ULK4: variants seen among roughly 807,000 people sequenced by gnomAD.
The protein encoded by ULK4 is unc-51 like kinase 4, also known as inactive serine/threonine-protein kinase ULK4.
Under a neutral mutation model 160.6 loss-of-function variants are expected in ULK4, and 133 were observed. The ratio of observed to expected loss-of-function variants is 0.83; its 90% CI spans 0.72 to 0.96. The LOEUF is 0.96. Ranked by LOEUF, ULK4 falls within the 40% of genes least tolerant of loss-of-function variation. ULK4 has a pLI of 0.00. For missense variants in ULK4, 1,580 were observed against 1,499.5 expected, an observed-to-expected ratio of 1.05 and a Z score of -0.89; for synonymous variants, 534 against 539.8, an observed-to-expected ratio of 0.99 and a Z score of 0.15.
At chr3:41,314,979 A>G in intron 35 of ULK4, among the ~76,000 whole-genome samples, 1 of 152,204 alleles carries the variant, frequency 6.6e-6, no homozygotes, top group East Asian at 1.9e-4. Context: ...AGTATTTACT[A>G]TATTGAAAAT....
chr3:41,900,667 T>C, intron 13 of ULK4, 58 bp downstream of exon 13: 2 of 1,286,986 alleles, frequency 1.6e-6, no homozygotes, highest in Non-Finnish European at 1.1e-6. Context: ...GAAAATCTCA[T>C]GCAGATTTCA....
intron 30 of ULK4, among the ~76,000 whole-genome samples, chr3:41,639,454 T>C (rs1388375506): frequency 1.3e-5 from 2 of 152,198 alleles, no homozygotes; most frequent in Admixed American, 1.3e-4. Flanking sequence ...CTGGGTGTGG[T>C]GGCTCACACC....
At chr3:41,605,747 A>T (rs1464973549) in intron 31 of ULK4, among the ~76,000 whole-genome samples, 1 of 152,038 alleles carries the variant, frequency 6.6e-6, no homozygotes, top group Non-Finnish European at 1.5e-5. Context: ...AACAACAATG[A>T]CAACCTATTT....
chr3:41,898,387 G>T, intron 14 of ULK4, 45 bp downstream of exon 14: 2 of 1,155,450 alleles, frequency 1.7e-6, no homozygotes, highest in Non-Finnish European at 1.2e-6. Context: ...ATTTGTATCT[G>T]TATACAAAGA....
At chr3:41,270,016 T>C (rs1258137361) in intron 35 of ULK4, among the ~76,000 whole-genome samples, 1 of 150,814 alleles carries the variant, frequency 6.6e-6, no homozygotes, top group African/African-American at 2.5e-5. Context: ...GGAATATATA[T>C]GTATCATATT....
chr3:41,391,035 G>A lies in ULK4; in HGVS notation c.3678+7044C>T, dbSNP rs149946008. ...GCAACTTTTTTTAGCTTCCACATAT[G>A]AGTGAGAACATGCAATGTTTATCTT... On this transcript the variant is annotated intron_variant, in intron 35 of 36. Transcript: ENST00000301831. Among the ~76,000 whole-genome samples, 384 of 152,090 alleles carry A rather than the reference G, an allele frequency of 2.5e-3. 2 individuals are homozygous for A. The highest frequency in any genetic ancestry group is 3.6e-3 in the Non-Finnish European group (243 of 67,972).
intron 32 of ULK4, among the ~76,000 whole-genome samples, chr3:41,472,573 G>GAA (rs796797629): frequency 3.9e-4 from 35 of 89,620 alleles, no homozygotes; most frequent in African/African-American, 1.2e-3. Flanking sequence ...TCAAAAAAAA[G>GAA]AAAAAAAAAA....
chr3:41,798,201 T>C (rs4513427), intron 20 of ULK4, among the ~76,000 whole-genome samples: 26,886 of 152,078 alleles, frequency 0.18, 6,182 homozygotes, highest in African/African-American at 0.53. Flanking sequence ...AAAGAAACCA[T>C]GCTGAGTATA....
chr3:41,585,279 A>G (rs921328101), intron 31 of ULK4, among the ~76,000 whole-genome samples: 5 of 152,204 alleles, frequency 3.3e-5, no homozygotes, highest in Non-Finnish European at 7.4e-5. Context: ...CATACTACAA[A>G]ACAACAGTAA....
chr3:41,581,386 CAA>C (rs970252237), intron 31 of ULK4, among the ~76,000 whole-genome samples: 12 of 152,086 alleles, frequency 7.9e-5, no homozygotes, highest in Non-Finnish European at 1.6e-4. Flanking sequence ...ATAAAAATAA[CAA>C]GAGGTTTTAA....
intron 21 of ULK4, among the ~76,000 whole-genome samples, chr3:41,769,366 C>T (rs2039275634): frequency 6.6e-6 from 1 of 152,156 alleles, no homozygotes; most frequent in African/African-American, 2.4e-5. Context: ...TTACAGGCTA[C>T]AGGCAAAGAC....
intron 31 of ULK4, among the ~76,000 whole-genome samples, chr3:41,586,470 G>A (rs1232466082): frequency 6.6e-6 from 1 of 152,104 alleles, no homozygotes; most frequent in African/African-American, 2.4e-5. Flanking sequence ...AAAGTAGACA[G>A]GTGACTGCAA....
chr3:41,409,729 A>G (rs2082372749), intron 34 of ULK4, among the ~76,000 whole-genome samples: 1 of 152,124 alleles, frequency 6.6e-6, no homozygotes, highest in African/African-American at 2.4e-5. Context: ...CAGGTGGATC[A>G]CCTGAGGTCA....
chr3:41,397,960 T>G, intron 35 of ULK4, 119 bp downstream of exon 35: 1 of 1,166,382 alleles, frequency 8.6e-7, no homozygotes. Flanking sequence ...CTGGGAGTTC[T>G]TGACAACTCT....
intron 34 of ULK4, among the ~76,000 whole-genome samples, chr3:41,399,245 G>A (rs1323363009): frequency 6.6e-6 from 1 of 152,162 alleles, no homozygotes; most frequent in African/African-American, 2.4e-5. Context: ...GTACTTCCCT[G>A]ATGGCTAATG....
chr3:41,867,119 T>G (rs59138513), intron 17 of ULK4, among the ~76,000 whole-genome samples: 18,824 of 152,232 alleles, frequency 0.12, 1,346 homozygotes, highest in Middle Eastern at 0.27. Context: ...CTATTGTTAC[T>G]TATCGAGTTC....
chr3:41,293,003 T>C (rs1017997557), intron 35 of ULK4, among the ~76,000 whole-genome samples: 1 of 152,010 alleles, frequency 6.6e-6, no homozygotes, highest in Non-Finnish European at 1.5e-5. Context: ...ATGTCTGTAG[T>C]CCCGGTCACT....
chr3:41,296,080 A>G (rs2079661914), intron 35 of ULK4, among the ~76,000 whole-genome samples: 1 of 152,218 alleles, frequency 6.6e-6, no homozygotes, highest in South Asian at 2.1e-4. Flanking sequence ...CTAAAAAGAA[A>G]GGAGCTATCA....
At chr3:41,884,208 T>C (rs574329061) in intron 16 of ULK4, among the ~76,000 whole-genome samples, 4 of 152,288 alleles carry the variant, frequency 2.6e-5, no homozygotes, top group South Asian at 2.1e-4. Flanking sequence ...TGTGGTTTAA[T>C]AGTAAAACGA....
Sources: allele counts gnomAD v4.1 joint callset (sites outside exome capture counted in the v4.1 genomes callset), GRCh38; gene constraint gnomAD v4.1.1; transcripts MANE v1.5; gene names NCBI Gene and HGNC (gene_info 2026-07-23, HGNC 2026-07-21).